Variants in SCFD2 observed in about 807,000 individuals in gnomAD.
SCFD2 encodes sec1 family domain-containing protein 2.
A neutral mutation model predicts 58.9 loss-of-function variants in SCFD2; 54 were observed. That is an observed-to-expected ratio of 0.92 (90% CI 0.74 to 1.15). SCFD2 has a LOEUF of 1.15. Ranked by LOEUF, SCFD2 falls within the 50% of genes most tolerant of loss-of-function variation. SCFD2 has a pLI of 0.00. For synonymous variants in SCFD2, 321 were observed against 335.9 expected (o/e 0.96, Z 0.49); for missense variants, 805 against 836.6 (o/e 0.96, Z 0.47).
intron 4 of SCFD2, among the ~76,000 whole-genome samples, chr4:53,170,981 A>G (rs1727161857): frequency 6.6e-6 from 1 of 152,190 alleles, no homozygotes; most frequent in African/African-American, 2.4e-5. Context: ...ATCAGTGACA[A>G]TTTCACTTTA....
chr4:53,256,845 G>GGA (rs1423991433), intron 4 of SCFD2, among the ~76,000 whole-genome samples: 1 of 146,086 alleles, frequency 6.8e-6, no homozygotes, highest in African/African-American at 2.5e-5. Flanking sequence ...GGCATCAGAG[G>GGA]GAGACCGTGG....
chr4:53,015,743 T>C (rs1412276730), intron 5 of SCFD2, among the ~76,000 whole-genome samples: 3 of 152,132 alleles, frequency 2.0e-5, no homozygotes, highest in Admixed American at 6.6e-5. Context: ...CTGATTAAGT[T>C]TGGGGAGAAG....
chr4:53,098,079 G>A (rs570596340), intron 5 of SCFD2, among the ~76,000 whole-genome samples: 2 of 152,308 alleles, frequency 1.3e-5, no homozygotes, highest in East Asian at 3.9e-4. Flanking sequence ...CTTGATCATG[G>A]TGGATAAGCT....
intron 5 of SCFD2, among the ~76,000 whole-genome samples, chr4:53,103,667 C>CAGTGAAAG (rs1724893892): frequency 6.9e-6 from 1 of 145,246 alleles, no homozygotes; most frequent in African/African-American, 2.5e-5. Context: ...CAATATCCTC[C>CAGTGAAAG]AGTGAAAGGA....
rs140439346 is a variant in SCFD2, at chr4:52,982,287, G to C, written c.1562-61417C>G. 4.1e-3 allele frequency among the ~76,000 whole-genome samples: 631 copies of C among 152,282 alleles called. 3 individuals are homozygous for C. The highest frequency in any genetic ancestry group is 7.4e-3 in the Non-Finnish European group (504 of 68,000). ...GAGTTACTATGGCCAAGGGGAAACA[G>C]ATCAGAATTGTGATGTAGTTTGTAC... On this transcript the variant is annotated intron_variant, in intron 5 of 8. Coordinates refer to ENST00000401642, the MANE Select transcript of SCFD2 (RefSeq NM_152540.4).
intron 5 of SCFD2, chr4:52,948,280 C>T (rs1255415476): frequency 3.6e-6 from 1 of 280,412 alleles, no homozygotes; most frequent in Non-Finnish European, 7.2e-6. Context: ...TCTTAATCAG[C>T]AGAGCCACAG....
At chr4:53,146,420 A>G (rs1190360610) in intron 4 of SCFD2, among the ~76,000 whole-genome samples, 1 of 152,172 alleles carries the variant, frequency 6.6e-6, no homozygotes, top group African/African-American at 2.4e-5. Context: ...TGTAAGATAA[A>G]ACTCTACACT....
chr4:53,107,685 A>G (rs950999815), intron 5 of SCFD2, among the ~76,000 whole-genome samples: 4 of 152,332 alleles, frequency 2.6e-5, no homozygotes, highest in African/African-American at 7.2e-5. Flanking sequence ...ACTATCCTAA[A>G]TATATATGCA....
chr4:53,118,634 G>A lies in SCFD2; in HGVS notation c.1561+26699C>T, dbSNP rs1214973424. Among the ~76,000 whole-genome samples, 7 of 152,280 alleles carry A rather than the reference G, an allele frequency of 4.6e-5. 1 individual carries two copies. The East Asian group carries it at 1.4e-3, about 29-fold the overall frequency. ...TGAGTGCTTACTAAGGGTGGGCTGA[G>A]CAGTGATCCCACCCACCACCCAGAG... is the stretch of plus-strand genomic sequence containing the variant. On this transcript the variant is annotated intron_variant, in intron 5 of 8. Coordinates refer to ENST00000401642, the MANE Select transcript of SCFD2 (RefSeq NM_152540.4).
chr4:52,907,856 G>A (rs529045834), intron 6 of SCFD2, among the ~76,000 whole-genome samples: 109 of 152,190 alleles, frequency 7.2e-4, no homozygotes, highest in Admixed American at 1.6e-3. Context: ...TATCTTACCA[G>A]AGCTATAATC....
chr4:52,934,217 A>G (rs933368257), intron 5 of SCFD2, among the ~76,000 whole-genome samples: 1 of 152,186 alleles, frequency 6.6e-6, no homozygotes, highest in Non-Finnish European at 1.5e-5. Flanking sequence ...TACTGCATCA[A>G]GTGCTTGCCT....
chr4:53,268,064 CA>C (rs1250397182), intron 4 of SCFD2, among the ~76,000 whole-genome samples: 1 of 151,898 alleles, frequency 6.6e-6, no homozygotes, highest in African/African-American at 2.4e-5. Flanking sequence ...TACGGTAGGG[CA>C]GGAGGAATGA....
At chr4:53,354,894 C>T (rs1386089794) in intron 1 of SCFD2, among the ~76,000 whole-genome samples, 3 of 151,886 alleles carry the variant, frequency 2.0e-5, no homozygotes, top group Non-Finnish European at 4.4e-5. Flanking sequence ...AAGCAACTCT[C>T]CCACCTTAGT....
At chr4:52,980,686 T>A (rs6828967) in intron 5 of SCFD2, among the ~76,000 whole-genome samples, 67,136 of 152,004 alleles carry the variant, frequency 0.44, 15,059 homozygotes, top group African/African-American at 0.48. Flanking sequence ...GCTGATGCAC[T>A]TCTGGTTTCT....
chr4:52,955,221 T>A (rs1048726295), intron 5 of SCFD2, among the ~76,000 whole-genome samples: 1 of 152,150 alleles, frequency 6.6e-6, no homozygotes, highest in African/African-American at 2.4e-5. Flanking sequence ...GGCAGTGGGT[T>A]TTCAGAACTG....
chr4:52,940,189 G>A (rs1018773641), intron 5 of SCFD2, among the ~76,000 whole-genome samples: 4 of 152,226 alleles, frequency 2.6e-5, no homozygotes, highest in Non-Finnish European at 5.9e-5. Context: ...ATGAACAGCC[G>A]TTGGGGTGGA....
At chr4:53,117,765 T>G (rs2148889618) in intron 5 of SCFD2, among the ~76,000 whole-genome samples, 1 of 152,274 alleles carries the variant, frequency 6.6e-6, no homozygotes, top group Admixed American at 6.5e-5. Flanking sequence ...AAACCTTCTT[T>G]TAAACATGTC....
intron 7 of SCFD2, among the ~76,000 whole-genome samples, chr4:52,886,628 T>C (rs1718748025): frequency 6.6e-6 from 1 of 152,190 alleles, no homozygotes. Context: ...TTGCTGGCTG[T>C]GGAGGACCCT....
intron 3 of SCFD2, among the ~76,000 whole-genome samples, chr4:53,289,255 A>T (rs990802206): frequency 7.2e-5 from 11 of 152,194 alleles, no homozygotes; most frequent in African/African-American, 2.4e-4. Flanking sequence ...AATCCCAGCT[A>T]CTCGGGAGGC....
Sources: allele counts gnomAD v4.1 joint callset (sites outside exome capture counted in the v4.1 genomes callset), GRCh38; gene constraint gnomAD v4.1.1; transcripts MANE v1.5; gene names NCBI Gene and HGNC (gene_info 2026-07-23, HGNC 2026-07-21).